Variants in THOC2 observed in about 807,000 individuals in gnomAD.
THOC2 encodes the protein THO complex 2.
THOC2 carries 10 observed loss-of-function variants against 128.4 expected under a neutral mutation model. The ratio of observed to expected loss-of-function variants is 0.08; its 90% CI spans 0.05 to 0.13. The LOEUF is 0.13. THOC2 is among the 10% of genes least tolerant of loss of function. The pLI, the probability that THOC2 is intolerant of heterozygous loss-of-function variation, is 1.00. For missense variants in THOC2, 535 were observed against 1,155.7 expected, an observed-to-expected ratio of 0.46 and a Z score of 7.79; for synonymous variants, 393 against 396.9, an observed-to-expected ratio of 0.99 and a Z score of 0.12.
chrX:123,610,512 T>C (rs1342638925), intron 38 of THOC2, among the ~76,000 whole-genome samples: 1 of 111,686 alleles, frequency 9.0e-6, no homozygotes, highest in Non-Finnish European at 1.9e-5. Context: ...CTGGCTCTGT[T>C]GACTAATATC....
At chrX:123,663,995 C>T (rs1219604365) in intron 12 of THOC2, among the ~76,000 whole-genome samples, 1 of 111,908 alleles carries the variant, frequency 8.9e-6, no homozygotes, top group Admixed American at 9.5e-5. Context: ...ATATGTGCCA[C>T]ATTTTCTTAA....
rs185248230 is a variant in THOC2, at chrX:123,606,367, G to A, written c.*18+4551C>T. On this transcript the variant is annotated intron_variant, in intron 38 of 38. Coordinates refer to ENST00000245838, the MANE Select transcript of THOC2 (RefSeq NM_001081550.2). ...AGCATTTTGGGAGGCCAAGGAGGGC[G>A]GTTCACTTGAGGTCAGGAGTTTGAG... is the stretch of plus-strand genomic sequence containing the variant. 5.8e-3 allele frequency among the ~76,000 whole-genome samples: 641 copies of A among 110,664 alleles called. 7 individuals are homozygous for A. Among genetic ancestry groups the A allele is most frequent in the African/African-American group, 0.02 (610 of 30,421 alleles).
chrX:123,624,497 C>A, intron 26 of THOC2, 44 bp downstream of exon 26: 1 of 1,153,089 alleles, frequency 8.7e-7, no homozygotes, highest in South Asian at 2.0e-5. Context: ...TGGATGTGGT[C>A]ATTATATACA....
intron 1 of THOC2, among the ~76,000 whole-genome samples, chrX:123,725,697 A>C (rs1477899597): frequency 1.5e-4 from 16 of 110,139 alleles, no homozygotes; most frequent in Non-Finnish European, 2.5e-4. Flanking sequence ...TTTATCTGGA[A>C]TATAAAACAA....
chrX:123,703,723 A>AC (rs1375490610), intron 3 of THOC2, among the ~76,000 whole-genome samples: 1 of 58,473 alleles, frequency 1.7e-5, no homozygotes, highest in African/African-American at 7.5e-5. Flanking sequence ...CCCCATCTCT[A>AC]CCAAAAAAAA....
intron 23 of THOC2, among the ~76,000 whole-genome samples, chrX:123,627,254 T>C (rs1042198702): frequency 1.1e-4 from 12 of 111,358 alleles, no homozygotes; most frequent in African/African-American, 3.9e-4. Context: ...GTAAAAGTGG[T>C]CTCCCTAAAC....
chrX:123,720,830 T>C lies in THOC2; in HGVS notation c.72-7922A>G, dbSNP rs200065386. ...AGACAGCCACAGGACAAATACTGTA[T>C]GATTCTACTTATATAAAGTATCTAA... On this transcript the variant is annotated intron_variant, in intron 1 of 38. Coordinates refer to ENST00000245838, the MANE Select transcript of THOC2 (RefSeq NM_001081550.2). Among the ~76,000 whole-genome samples the C allele has an allele frequency of 1.4e-4, 16 of 112,200 alleles. No homozygotes were observed. In the East Asian group the frequency reaches 4.5e-3, roughly 31 times the overall value.
At chrX:123,720,632 T>C (rs955998976) in intron 1 of THOC2, among the ~76,000 whole-genome samples, 1 of 111,193 alleles carries the variant, frequency 9.0e-6, no homozygotes, top group African/African-American at 3.3e-5. Context: ...GCAGCATTAT[T>C]TACAATAGCC....
intron 25 of THOC2, 43 bp from the exon 26 acceptor site, chrX:123,624,712 C>A: frequency 1.8e-6 from 2 of 1,136,520 alleles, no homozygotes; most frequent in South Asian, 3.9e-5. Flanking sequence ...AAATCAAGGT[C>A]AAAATCAGTT....
chrX:123,653,730 G>A (rs1451139832), intron 12 of THOC2, among the ~76,000 whole-genome samples: 7 of 112,074 alleles, frequency 6.2e-5, no homozygotes, highest in Non-Finnish European at 9.4e-5. Flanking sequence ...TCTCACACCA[G>A]TTAGAATGGT....
At chrX:123,728,746 C>T (rs1350770082) in intron 1 of THOC2, among the ~76,000 whole-genome samples, 2 of 112,025 alleles carry the variant, frequency 1.8e-5, no homozygotes, top group Non-Finnish European at 3.8e-5. Context: ...AAACATTTGG[C>T]AATTAAATTT....
chrX:123,700,530 A>G (rs867812964), intron 4 of THOC2, among the ~76,000 whole-genome samples: 2 of 2,875 alleles, frequency 7.0e-4, no homozygotes, highest in Non-Finnish European at 6.2e-4. Context: ...GGCGGGGGGG[A>G]GGTGGTGAGG....
At chrX:123,642,900 C>T (rs1354087487) in intron 15 of THOC2, among the ~76,000 whole-genome samples, 1 of 110,940 alleles carries the variant, frequency 9.0e-6, no homozygotes, top group African/African-American at 3.3e-5. Flanking sequence ...GTATTTATAC[C>T]TTTTATATTT....
At chrX:123,607,218 C>G (rs1014659303) in intron 38 of THOC2, among the ~76,000 whole-genome samples, 1 of 110,668 alleles carries the variant, frequency 9.0e-6, no homozygotes, top group East Asian at 2.8e-4. Context: ...AAACAGAAGA[C>G]GAGAAAAGAT....
intron 19 of THOC2, among the ~76,000 whole-genome samples, chrX:123,634,613 G>C (rs1181308455): frequency 9.0e-6 from 1 of 111,659 alleles, no homozygotes; most frequent in African/African-American, 3.3e-5. Context: ...CATTTTATCA[G>C]TTGACCCAAT....
At chrX:123,729,322 T>C (rs2052131082) in intron 1 of THOC2, among the ~76,000 whole-genome samples, 1 of 112,027 alleles carries the variant, frequency 8.9e-6, no homozygotes, top group South Asian at 3.7e-4. Context: ...ATGTGATGGA[T>C]GGACCATTCA....
chrX:123,619,471 G>A (rs1217139616), intron 32 of THOC2, 35 bp from the exon 33 acceptor site: 2 of 1,203,517 alleles, frequency 1.7e-6, no homozygotes, highest in African/African-American at 3.5e-5. Context: ...AGGTGAGCTG[G>A]CATAGTTCTC....
chrX:123,607,100 G>T (rs751789501), intron 38 of THOC2, among the ~76,000 whole-genome samples: 40 of 110,614 alleles, frequency 3.6e-4, no homozygotes, highest in Non-Finnish European at 6.8e-4. Context: ...TAAAGGCAAA[G>T]GAACTAGTAA....
At chrX:123,696,299 C>A in intron 6 of THOC2, 145 bp from the exon 7 acceptor site, 1 of 417,733 alleles carries the variant, frequency 2.4e-6, no homozygotes. Flanking sequence ...TCTTTGTGTA[C>A]CTTTTAGAGT....
Sources: allele counts gnomAD v4.1 joint callset (sites outside exome capture counted in the v4.1 genomes callset), GRCh38; gene constraint gnomAD v4.1.1; transcripts MANE v1.5; gene names NCBI Gene and HGNC (gene_info 2026-07-23, HGNC 2026-07-21).